The following CCNG1 variants were observed in gnomAD, a reference collection of about 807,000 sequenced individuals.
CCNG1 encodes cyclin G1.
A neutral mutation model predicts 30.0 loss-of-function variants in CCNG1; 13 were observed. The ratio of observed to expected loss-of-function variants is 0.43; its 90% CI spans 0.28 to 0.69. The LOEUF (loss-of-function observed/expected upper bound fraction) is 0.69. Ranked by LOEUF, CCNG1 falls within the 30% of genes least tolerant of loss-of-function variation. The pLI, the probability that CCNG1 is intolerant of heterozygous loss-of-function variation, is 0.16. For missense variants in CCNG1, 285 were observed against 331.4 expected (o/e 0.86, Z 1.09); for synonymous variants, 110 against 121.5 (o/e 0.91, Z 0.62).
At chr5:163,449,613 T>C (rs903922943), downstream of CCNG1, 1 of 152,162 alleles carries the variant, frequency 6.6e-6, no homozygotes, top group Non-Finnish European at 1.5e-5. Context: ...GCCAAAACAA[T>C]TTTGAAAAAG....
chr5:163,456,814 C>A, the CCNG1 span: 7 of 836,446 alleles, frequency 8.4e-6, no homozygotes, highest in Admixed American at 1.0e-4. Context: ...TTTAAAAATT[C>A]TTCTAGAAAA....
chr5:163,442,254 C>G, intron 5 of CCNG1, 111 bp downstream of exon 5: 2 of 1,076,278 alleles, frequency 1.9e-6, no homozygotes, highest in Admixed American at 2.5e-5. Context: ...ACTTAAGTAG[C>G]TATCCTCAAA....
chr5:163,450,335 C>A (rs528840561), downstream of CCNG1: 1 of 152,218 alleles, frequency 6.6e-6, no homozygotes, highest in South Asian at 2.1e-4. Context: ...ACATGATCCA[C>A]CAATGGCATG....
At chr5:163,440,724 C>A (rs111771315) in intron 2 of CCNG1, among the ~76,000 whole-genome samples, 24 of 152,196 alleles carry the variant, frequency 1.6e-4, no homozygotes, top group African/African-American at 4.6e-4. Flanking sequence ...GTAAATAAGC[C>A]ATAAAGTATT....
chr5:163,442,992 T>C (rs1003767116), intron 6 of CCNG1, among the ~76,000 whole-genome samples: 5 of 152,090 alleles, frequency 3.3e-5, no homozygotes, highest in Non-Finnish European at 5.9e-5. Flanking sequence ...AAAATCAATA[T>C]GAACTTGGAT....
rs1757973734 is a variant in CCNG1, at chr5:163,444,435, A to G, written c.*765A>G. 1 of 152,656 alleles carries G rather than the reference A, an allele frequency of 6.6e-6. No homozygotes were observed. Among genetic ancestry groups the G allele is most frequent in the African/African-American group, 2.4e-5 (1 of 41,462 alleles). The allele number at this position is 152,656 out of a possible 1,614,324, so 9.5% of individuals were successfully genotyped here. On this transcript the variant is annotated 3_prime_UTR_variant, in exon 7 of 7. Coordinates refer to ENST00000340828, the MANE Select transcript of CCNG1 (RefSeq NM_004060.4). ...GAAAACTAGTTTCTATTGTATTAGTAACTCAAAATAAATTATCACTTCGAA... is the reference window on the plus strand; with the variant it reads ...GAAAACTAGTTTCTATTGTATTAGTGACTCAAAATAAATTATCACTTCGAA...
chr5:163,439,328 G>A lies in CCNG1; in HGVS notation c.72G>A (p.Glu24=). The change falls in exon 2 of 7, where the codon GAG becomes GAA. Residue 24 remains glutamate, a synonymous_variant. Coordinates refer to ENST00000340828, the MANE Select transcript of CCNG1 (RefSeq NM_004060.4). ...LHQLNALLEQ[E]SRCQPKVCGL... is the part of the protein sequence containing the mutation. ...AGCTGAATGCCCTGTTGGAACAGGA[G>A]TCTAGATGTCAGCCAAAGGTCTGTG... 6.2e-7 allele frequency: 1 copy of A among 1,614,100 alleles called. No individual in the cohort carries two copies. Among genetic ancestry groups the A allele is most frequent in the Non-Finnish European group, 8.5e-7 (1 of 1,179,966 alleles).
At chr5:163,439,542 T>C (rs299322) in intron 2 of CCNG1, 22 bp downstream of exon 2, 513,099 of 1,594,306 alleles carry the variant, frequency 0.32, 87,786 homozygotes, top group African/African-American at 0.57. Flanking sequence ...GCTACATTTT[T>C]GTAATTTTGC....
At chr5:163,440,945 T>TC (rs980716185) in intron 2 of CCNG1, 133 bp from the exon 3 acceptor site, 3 of 978,866 alleles carry the variant, frequency 3.1e-6, no homozygotes, top group African/African-American at 1.6e-5. Flanking sequence ...TTGTGTTAAG[T>TC]CCATCACAGC....
intron 3 of CCNG1, 106 bp from the exon 4 acceptor site, chr5:163,441,780 T>C (rs1439494267): frequency 3.0e-6 from 2 of 667,298 alleles, no homozygotes; most frequent in African/African-American, 3.7e-5. Flanking sequence ...CTATGTTAAG[T>C]GTGCATAAGC....
At chr5:163,445,620 A>ATTTTTTTTTTTT (rs56065634), downstream of CCNG1, among the ~76,000 whole-genome samples, 267 of 107,946 alleles carry the variant, frequency 2.5e-3, 3 homozygotes, top group Non-Finnish European at 3.5e-3. Context: ...CACCCAGCTA[A>ATTTTTTTTTTTT]TTTTTTTTTT....
chr5:163,441,732 C>G (rs978612871), intron 3 of CCNG1, 154 bp from the exon 4 acceptor site: 1 of 598,314 alleles, frequency 1.7e-6, no homozygotes, highest in South Asian at 2.3e-5. Context: ...AAGTTAGTAT[C>G]TCTGATGGAA....
At chr5:163,445,345 A>T (rs1581173023), downstream of CCNG1, among the ~76,000 whole-genome samples, 1 of 152,144 alleles carries the variant, frequency 6.6e-6, no homozygotes, top group East Asian at 1.9e-4. Flanking sequence ...TTTCTGAAAC[A>T]TTATAAAAAG....
chr5:163,441,918 C>G lies in CCNG1; in HGVS notation c.551C>G (p.Ala184Gly), dbSNP rs1757833305. Residue 184 changes from alanine to glycine, a missense_variant, in exon 4 of 7, where the codon GCT (alanine) becomes GGT (glycine). Transcript: ENST00000340828. ...AGCATTAATTTTGAAAGACTAGAAG[C>G]TCAACTGAAGGCATGTCATTGCAGG... ...RNSINFERLE[A>G]QLKACHCRII... The G allele has an allele frequency of 6.2e-7, 1 of 1,609,114 alleles. No individual in the cohort carries two copies. The highest frequency in any genetic ancestry group is 8.5e-7 in the Non-Finnish European group (1 of 1,175,936).
chr5:163,442,158 T>C lies in CCNG1; in HGVS notation c.696+15T>C, dbSNP rs781043207. 9 of 1,521,924 alleles carry C rather than the reference T, an allele frequency of 5.9e-6. No homozygotes were observed. The East Asian group carries it at 1.8e-4, about 31-fold the overall frequency. 94.3% of individuals were successfully genotyped at this position (1,521,924 alleles called of 1,614,324 possible). ...AACATTCCAAGGTATGTGAAGGACA[T>C]AGCCTAAATCCTATTAACAGCTGTA... On this transcript the variant is annotated intron_variant, in intron 5 of 6. Coordinates refer to ENST00000340828, the MANE Select transcript of CCNG1 (RefSeq NM_004060.4).
chr5:163,451,666 G>C, the CCNG1 span: 1 of 152,222 alleles, frequency 6.6e-6, no homozygotes, highest in East Asian at 1.9e-4. Flanking sequence ...TGAGGTATTA[G>C]GGTCCAGGCA....
chr5:163,452,479 A>C, the CCNG1 span: 2 of 152,164 alleles, frequency 1.3e-5, no homozygotes, highest in Non-Finnish European at 2.9e-5. Context: ...AATAATTTTG[A>C]GCACCAATGT....
At chr5:163,439,140 A>G (rs1757665452) in intron 1 of CCNG1, 117 bp from the exon 2 acceptor site, 1 of 855,084 alleles carries the variant, frequency 1.2e-6, no homozygotes. Flanking sequence ...TAGATGCACT[A>G]GCCGCATTGG....
In CCNG1 at chr5:163,441,063, T is replaced by C. The variant is rs776291705; in HGVS notation, c.265-15T>C. On this transcript the variant is annotated splice_polypyrimidine_tract_variant and intron_variant, in intron 2 of 6. Transcript: ENST00000340828. ...TAGAGTCATGGGCTTACTGGTTTTG[T>C]TTTTGATTTTTTAGGTACAGCCCAA... 1 of 1,602,748 alleles carries C rather than the reference T, an allele frequency of 6.2e-7. No individual in the cohort carries two copies. Among genetic ancestry groups the C allele is most frequent in the Non-Finnish European group, 8.5e-7 (1 of 1,175,362 alleles).
Sources: gnomAD v4.1 joint callset for allele counts (sites outside exome capture counted in the v4.1 genomes callset) on GRCh38, gnomAD v4.1.1 for gene constraint, MANE v1.5 for transcripts, NCBI Gene and HGNC (gene_info 2026-07-23, HGNC 2026-07-21) for gene names.